RYR2: variants seen among roughly 807,000 people sequenced by gnomAD.
The protein encoded by RYR2 is cardiac muscle ryanodine receptor-calcium release channel.
RYR2 carries 227 observed loss-of-function variants against 601.1 expected under a neutral mutation model. The ratio of observed to expected loss-of-function variants is 0.38; its 90% confidence interval spans 0.34 to 0.42. RYR2 has a LOEUF of 0.42. RYR2 is among the 10% of genes least tolerant of loss of function. The pLI is 1.00. For missense variants in RYR2, 4,646 were observed against 6,156.5 expected, an observed-to-expected ratio of 0.75 and a Z score of 8.21; for synonymous variants, 2,223 against 2,175.1, an observed-to-expected ratio of 1.02 and a Z score of -0.61.
chr1:237,385,523 A>T (rs1316174323), intron 8 of RYR2, among the ~76,000 whole-genome samples: 1 of 152,232 alleles, frequency 6.6e-6, no homozygotes, highest in Non-Finnish European at 1.5e-5. Flanking sequence ...TATACATAGT[A>T]CATTCAGTGA....
intron 1 of RYR2, among the ~76,000 whole-genome samples, chr1:237,154,657 G>A (rs1675109513): frequency 1.3e-5 from 2 of 152,128 alleles, no homozygotes; most frequent in Non-Finnish European, 2.9e-5. Flanking sequence ...AAAAAAAAAT[G>A]TAGTTTTTAA....
rs189668260 is a variant in RYR2 at position 237,169,724 on chromosome 1, G to T, written c.49-100773G>T. Among the ~76,000 whole-genome samples the T allele has an allele frequency of 5.5e-3, 832 of 152,242 alleles. 6 individuals are homozygous for T. Among genetic ancestry groups the T allele is most frequent in the South Asian group, 8.3e-3 (40 of 4,824 alleles). On this transcript the variant is annotated intron_variant, in intron 1 of 104. Coordinates refer to ENST00000366574, the MANE Select transcript of RYR2 (RefSeq NM_001035.3). ...AATACTTTAAACAAAAAATGATAAA[G>T]TAAGCAGACTTGCTTGGCGCTCTAG...
At chr1:237,463,904 T>G (rs1236255045) in intron 16 of RYR2, among the ~76,000 whole-genome samples, 1 of 152,178 alleles carries the variant, frequency 6.6e-6, no homozygotes, top group Non-Finnish European at 1.5e-5. Flanking sequence ...GGCATTAACT[T>G]TATTGTACTA....
At chr1:237,314,219 C>G (rs538477932) in intron 2 of RYR2, among the ~76,000 whole-genome samples, 27 of 152,056 alleles carry the variant, frequency 1.8e-4, no homozygotes, top group African/African-American at 6.5e-4. Context: ...CACCCGCAAC[C>G]ACGCCCAGCT....
chr1:237,418,846 T>G (rs1200603540), intron 11 of RYR2, among the ~76,000 whole-genome samples: 1 of 152,032 alleles, frequency 6.6e-6, no homozygotes, highest in Non-Finnish European at 1.5e-5. Flanking sequence ...AAATGCACAA[T>G]TGATCAAATC....
In RYR2 at chr1:237,700,351, G is replaced by A. The variant is rs747605864; in HGVS notation, c.9251G>A (p.Arg3084Gln). ...AAGCAGGGCCAGTTCACTCACACCC[G>A]AAACCAGCCCAAAGGGGTTACTCAG... The part of the protein sequence containing the change: ...NLKQGQFTHT[R>Q]NQPKGVTQII... Residue 3084 changes from arginine to glutamine, a missense_variant, in exon 65 of 105, where the codon CGA becomes CAA. Around this residue, in one of 17 missense-constraint regions of RYR2, gnomAD observed 1,497 missense variants for 1,842.6 expected, o/e 0.81. Transcript: ENST00000366574. 32 of 1,603,508 alleles carry A rather than the reference G, an allele frequency of 2.0e-5. No individual in the cohort carries two copies. Among genetic ancestry groups the A allele is most frequent in the Admixed American group, 8.5e-5 (5 of 58,560 alleles).
chr1:237,788,256 C>T, intron 92 of RYR2, 121 bp downstream of exon 92: 1 of 709,568 alleles, frequency 1.4e-6, no homozygotes, highest in East Asian at 2.7e-5. Flanking sequence ...TAGTCCAGCA[C>T]ATGTTTGATT....
chr1:237,278,245 A>ATTTT (rs71561863), intron 2 of RYR2, among the ~76,000 whole-genome samples: 15 of 67,016 alleles, frequency 2.2e-4, no homozygotes, highest in East Asian at 5.1e-4. Flanking sequence ...TAATTTTTGT[A>ATTTT]TTTTTTTTTT....
intron 100 of RYR2, among the ~76,000 whole-genome samples, chr1:237,814,997 G>T (rs1379462016): frequency 7.6e-6 from 1 of 131,472 alleles, no homozygotes; most frequent in African/African-American, 2.9e-5. Context: ...CAAGATGAAG[G>T]CCTGATAAGG....
chr1:237,117,777 C>T (rs1670303329), intron 1 of RYR2, among the ~76,000 whole-genome samples: 1 of 149,154 alleles, frequency 6.7e-6, no homozygotes, highest in African/African-American at 2.5e-5. Context: ...ACAGAGTCTC[C>T]CTCTGTTGCC....
intron 14 of RYR2, among the ~76,000 whole-genome samples, chr1:237,453,025 C>G (rs1185567973): frequency 6.6e-6 from 1 of 151,950 alleles, no homozygotes; most frequent in Non-Finnish European, 1.5e-5. Context: ...AATGTGGATA[C>G]TGAATCGTTT....
intron 63 of RYR2, 32 bp from the exon 64 acceptor site, chr1:237,698,933 G>A: frequency 1.5e-6 from 2 of 1,318,884 alleles, no homozygotes; most frequent in Admixed American, 2.1e-5. Flanking sequence ...AATTCTCAGG[G>A]CAATTTATAC....
intron 72 of RYR2, among the ~76,000 whole-genome samples, chr1:237,717,654 T>C (rs939541978): frequency 6.6e-6 from 1 of 152,190 alleles, no homozygotes; most frequent in Admixed American, 6.5e-5. Context: ...TATAAACTTC[T>C]ATATAAAGTT....
intron 17 of RYR2, among the ~76,000 whole-genome samples, chr1:237,489,064 A>T (rs887599010): frequency 1.3e-5 from 2 of 152,194 alleles, no homozygotes; most frequent in African/African-American, 2.4e-5. Context: ...CATAGACAGT[A>T]TGTAAATGCA....
intron 14 of RYR2, among the ~76,000 whole-genome samples, chr1:237,452,145 T>C (rs1305711841): frequency 6.7e-6 from 1 of 148,744 alleles, no homozygotes; most frequent in African/African-American, 2.5e-5. Flanking sequence ...CTCATGAGCA[T>C]TTAAGTAATA....
chr1:237,668,748 G>T (rs1684547694), intron 58 of RYR2, among the ~76,000 whole-genome samples: 1 of 152,176 alleles, frequency 6.6e-6, no homozygotes, highest in Non-Finnish European at 1.5e-5. Flanking sequence ...TTGAAAGTGG[G>T]GATATTTCAT....
intron 58 of RYR2, among the ~76,000 whole-genome samples, chr1:237,669,131 G>GTCCTTAA (rs1348372650): frequency 7.2e-6 from 1 of 139,582 alleles, no homozygotes; most frequent in Non-Finnish European, 1.6e-5. Context: ...ATCTTGCACC[G>GTCCTTAA]TCCTTAATCC....
At chr1:237,322,213 GT>G (rs1193056696) in intron 2 of RYR2, among the ~76,000 whole-genome samples, 2 of 152,086 alleles carry the variant, frequency 1.3e-5, no homozygotes, top group African/African-American at 4.8e-5. Flanking sequence ...TATTTGTATG[GT>G]TATGCCTGAA....
At chr1:237,487,576 AG>A (rs958498789) in intron 17 of RYR2, among the ~76,000 whole-genome samples, 10 of 146,566 alleles carry the variant, frequency 6.8e-5, no homozygotes, top group Non-Finnish European at 1.2e-4. Flanking sequence ...AAAAAAAAAA[AG>A]CTCAGCATGG....
Sources: allele counts gnomAD v4.1 joint callset (sites outside exome capture counted in the v4.1 genomes callset), GRCh38; gene constraint gnomAD v4.1.1; regional missense constraint gnomAD v4.1.1; transcripts MANE v1.5; gene names NCBI Gene and HGNC (gene_info 2026-07-23, HGNC 2026-07-21).